The following PITPNM1 variants were observed in gnomAD, a reference collection of about 807,000 sequenced individuals.
The protein encoded by PITPNM1 is membrane-associated phosphatidylinositol transfer protein 1.
Under a neutral mutation model 133.3 loss-of-function variants are expected in PITPNM1, and 74 were observed. The ratio of observed to expected loss-of-function variants is 0.56; its 90% CI spans 0.46 to 0.67. PITPNM1 has a LOEUF of 0.67. PITPNM1 is among the 30% of genes least tolerant of loss of function. PITPNM1 has a pLI of 0.00. For missense variants in PITPNM1, 1,398 were observed against 1,739.5 expected (o/e 0.80, Z 3.49); for synonymous variants, 738 against 741.4 (o/e 1.00, Z 0.08).
chr11:67,495,411 C>G lies in PITPNM1; in HGVS notation c.2482+27G>C. 3 of 1,472,382 alleles carry G rather than the reference C, an allele frequency of 2.0e-6. No homozygotes were observed. In the South Asian group the frequency reaches 4.1e-5, roughly 20 times the overall value. The allele number at this position is 1,472,382 out of a possible 1,614,324, so 91.2% of individuals were successfully genotyped here. On this transcript the variant is annotated intron_variant, in intron 16 of 23. Coordinates refer to ENST00000356404, the MANE Select transcript of PITPNM1 (RefSeq NM_004910.3). ...AATACGGGCCTCCCCCACCCCCAGG[C>G]TGGACTGCCTAGGCTGGCTGACTTA...
chr11:67,493,340 G>C (rs1209584121), intron 22 of PITPNM1, 70 bp downstream of exon 22: 27 of 1,422,960 alleles, frequency 1.9e-5, no homozygotes, highest in Non-Finnish European at 2.5e-5. Flanking sequence ...GGCCTCCGCC[G>C]ATCCGGGGGT....
rs978021440 is a variant in PITPNM1, at chr11:67,497,358, A to C, written c.2019T>G (p.Ser673Arg). 4 of 1,605,828 alleles carry C rather than the reference A, an allele frequency of 2.5e-6. No homozygotes were observed. The highest frequency in any genetic ancestry group is 3.4e-6 in the Non-Finnish European group (4 of 1,175,070). Residue 673 changes from serine to arginine, a missense_variant, in exon 14 of 24, where the codon AGT becomes AGG. By Grantham distance (110) the Ser-to-Arg change is moderately radical. This residue lies in a region of PITPNM1 where 574 missense variants were observed against 698.7 expected (regional missense o/e 0.82). Transcript: ENST00000356404. Reference protein sequence around the residue: ...ASTAFCPPAASSEAPDGPSST... With the variant: ...ASTAFCPPAARSEAPDGPSST... ...TGCTGGGGCCGTCAGGTGCCTCGGAACTGGCAGCGGGTGGGCAGAAGGCCG... is the reference window on the plus strand; with the variant it reads ...TGCTGGGGCCGTCAGGTGCCTCGGACCTGGCAGCGGGTGGGCAGAAGGCCG...
In PITPNM1 at chr11:67,500,159, G is replaced by T; in HGVS notation, c.903C>A (p.Pro301=). 1 of 1,594,396 alleles carries T rather than the reference G, an allele frequency of 6.3e-7. No individual in the cohort carries two copies. The highest frequency in any genetic ancestry group is 8.5e-7 in the Non-Finnish European group (1 of 1,170,212). Residue 301 remains proline, a synonymous_variant, in exon 6 of 24, where the codon CCC becomes CCA. Transcript: ENST00000356404. ...ACCACTGCTTCCCAAAGCTGGCATC[G>T]GGGGAGGCATCTGGGCCTGGGGGGG... ...PEAPPGPDAS[P]DASFGKQWSS... is the part of the protein sequence containing the mutation.
rs1277926960 is a variant in PITPNM1 at position 67,492,207 on chromosome 11, C to T, written c.3561G>A (p.Leu1187=). 2 of 1,610,530 alleles carry T rather than the reference C, an allele frequency of 1.2e-6. No individual in the cohort carries two copies. Among genetic ancestry groups the T allele is most frequent in the Admixed American group, 1.7e-5 (1 of 59,940 alleles). The change falls in exon 24 of 24, where the codon TTG becomes TTA. Residue 1187 remains leucine, a synonymous_variant. Coordinates refer to ENST00000356404, the MANE Select transcript of PITPNM1 (RefSeq NM_004910.3). ...HASSGPPRAA[L]GKSSYGVAAP... ...CAGCCACACCATAGCTGCTCTTGCC[C>T]AAGGCAGCTCTCGGGGGTCCCGAGG...
Position 67,492,226 on chromosome 11 carries a change from C to A in PITPNM1, c.3542G>T (p.Gly1181Val), listed in dbSNP as rs1422204790. The A allele has an allele frequency of 6.2e-7, 1 of 1,607,346 alleles. No individual in the cohort carries two copies. Among genetic ancestry groups the A allele is most frequent in the Non-Finnish European group, 8.5e-7 (1 of 1,176,976 alleles). ...CTTGCCCAAGGCAGCTCTCGGGGGT[C>A]CCGAGGAGGCATGCGAGTGCGAGCC... The part of the protein sequence containing the change: ...EAGSHSHASS[G>V]PPRAALGKSS... Residue 1181 changes from glycine to valine, a missense_variant, in exon 24 of 24, where the codon GGA becomes GTA. By Grantham distance (109) the Gly-to-Val change is moderately radical. Around this residue, in one of 5 missense-constraint regions of PITPNM1, gnomAD observed 122 missense variants for 123.3 expected, o/e 0.99. Transcript: ENST00000356404.
At chr11:67,493,859 G>A (rs1866016532) in intron 20 of PITPNM1, 22 bp from the exon 21 acceptor site, 7 of 1,531,704 alleles carry the variant, frequency 4.6e-6, no homozygotes, top group Non-Finnish European at 6.2e-6. Context: ...GGGGCGGGGC[G>A]TGAGTGGCGC....
chr11:67,504,281 G>C lies in PITPNM1; in HGVS notation c.-41-60C>G, dbSNP rs1044286678. 2.5e-5 allele frequency: 16 copies of C among 649,488 alleles called. No homozygotes were observed. The highest frequency in any genetic ancestry group is 3.3e-5 in the Non-Finnish European group (15 of 455,994). The allele number at this position is 649,488 out of a possible 1,614,324, so 40.2% of individuals were successfully genotyped here. On this transcript the variant is annotated intron_variant, in intron 1 of 23. Transcript: ENST00000356404. This position sits in a 1 kb window ranked among gnomAD's most constrained non-coding sequence, Gnocchi z 5.4. ...GAGGCTGCGCGCGGCCCCGAGCCCT[G>C]CGCGCCGGCCGAGGGACTCAGGCCA... is the stretch of plus-strand genomic sequence containing the variant.
chr11:67,502,181 G>A lies in PITPNM1; in HGVS notation c.416-95C>T. The A allele has an allele frequency of 6.5e-7, 1 of 1,550,364 alleles. No homozygotes were observed. Among genetic ancestry groups the A allele is most frequent in the Non-Finnish European group, 8.8e-7 (1 of 1,138,958 alleles). On this transcript the variant is annotated intron_variant, in intron 4 of 23. Transcript: ENST00000356404. This position sits in a 1 kb window ranked among gnomAD's most constrained non-coding sequence, Gnocchi z 5.9. ...ACTGGATGACAGTTCCCGTCCTTTTGCAGACAGGACATGAGGCCTGGAGAG... is the reference window on the plus strand; with the variant it reads ...ACTGGATGACAGTTCCCGTCCTTTTACAGACAGGACATGAGGCCTGGAGAG...
In PITPNM1 at chr11:67,502,605, G is replaced by A. The variant is rs1283633618; in HGVS notation, c.192C>T (p.His64=). 1.5e-5 allele frequency: 25 copies of A among 1,613,482 alleles called. No homozygotes were observed. Among genetic ancestry groups the A allele is most frequent in the Non-Finnish European group, 1.9e-5 (23 of 1,180,030 alleles). The change falls in exon 3 of 24, where the codon CAC becomes CAT. Residue 64 remains histidine, a synonymous_variant. Coordinates refer to ENST00000356404, the MANE Select transcript of PITPNM1 (RefSeq NM_004910.3). This position sits in a 1 kb window ranked among gnomAD's most constrained non-coding sequence, Gnocchi z 5.9. ...GSGQYTHKVY[H]VGSHIPGWFR... is the part of the protein sequence containing the mutation. ...ACCAGCCTGGGATGTGGGAGCCCAC[G>A]TGGTACACCTTGTGTGTGTATTGCC...
chr11:67,503,980 C>T, intron 2 of PITPNM1, 123 bp downstream of exon 2: 3 of 662,536 alleles, frequency 4.5e-6, no homozygotes, highest in Non-Finnish European at 7.5e-6. Context: ...CCCATTCCCA[C>T]ATCTGAAGGG....
In PITPNM1 at chr11:67,500,424, G is replaced by A; in HGVS notation, c.641-3C>T. The stretch of plus-strand genomic sequence containing the variant: ...CCGCAGCATCACCCGACGCAGACCT[G>A]CAGGTGCCCAGGCGTCAGAACTGCC... On this transcript the variant is annotated splice_region_variant and splice_polypyrimidine_tract_variant and intron_variant, in intron 5 of 23. Coordinates refer to ENST00000356404, the MANE Select transcript of PITPNM1 (RefSeq NM_004910.3). 1 of 1,605,458 alleles carries A rather than the reference G, an allele frequency of 6.2e-7. No individual in the cohort carries two copies. The highest frequency in any genetic ancestry group is 1.1e-5 in the South Asian group (1 of 90,878).
At position 67,496,163 on chromosome 11, in the gene PITPNM1, T is replaced by C. The variant is rs1409268482; in HGVS notation, c.2317+15A>G. On this transcript the variant is annotated intron_variant, in intron 15 of 23. Coordinates refer to ENST00000356404, the MANE Select transcript of PITPNM1 (RefSeq NM_004910.3). ...GCCCTCCTCCTTCTCCCCTTTATCTTGTTTGGGGGCGTACCCAGCAGCAGG... is the reference window on the plus strand; with the variant it reads ...GCCCTCCTCCTTCTCCCCTTTATCTCGTTTGGGGGCGTACCCAGCAGCAGG... The C allele has an allele frequency of 2.7e-6, 4 of 1,498,598 alleles. No individual in the cohort carries two copies. The Admixed American group carries it at 1.1e-4, about 40-fold the overall frequency. The allele number at this position is 1,498,598 out of a possible 1,614,324, so 92.8% of individuals were successfully genotyped here.
chr11:67,497,776 G>A, intron 12 of PITPNM1, 97 bp from the exon 13 acceptor site: 4 of 1,540,390 alleles, frequency 2.6e-6, no homozygotes, highest in South Asian at 1.1e-5. Flanking sequence ...GTTGGGCAGA[G>A]CAGAATTCCA....
upstream of PITPNM1, chr11:67,506,184 G>C (rs1866508832): frequency 6.4e-6 from 1 of 156,296 alleles, no homozygotes; most frequent in South Asian, 2.1e-4. Context: ...ACGTGAACTG[G>C]CATTTCCATG....
chr11:67,498,610 A>C lies in PITPNM1; in HGVS notation c.1470T>G (p.Tyr490Ter), dbSNP rs1451854593. 1 of 1,597,376 alleles carries C rather than the reference A, an allele frequency of 6.3e-7. No homozygotes were observed. Among genetic ancestry groups the C allele is most frequent in the Non-Finnish European group, 8.5e-7 (1 of 1,179,422 alleles). The change falls in exon 10 of 24, where the codon TAT (tyrosine) becomes TAG (stop). Residue 490 changes from tyrosine to a stop codon, truncating the protein, a stop_gained. Coordinates refer to ENST00000356404, the MANE Select transcript of PITPNM1 (RefSeq NM_004910.3). LOFTEE classifies it high-confidence loss of function. The surrounding 1 kb of genome is among the most constrained non-coding windows in gnomAD (Gnocchi z 5.7). ...GTGGCTAGTACTTGGAGACAAGGGC[A>C]TAGGCGGCGGCGCAGATGGGTGGAC... ...VPCPPICAAAYALVSNLSPYS... is the reference protein window; with the variant it reads ...VPCPPICAAA
rs1466971697 is a variant in PITPNM1, at chr11:67,502,344, C to T, written c.363G>A (p.Gln121=). Residue 121 remains glutamine, a synonymous_variant, in exon 4 of 24, where the codon CAG becomes CAA. Transcript: ENST00000356404. This position sits in a 1 kb window ranked among gnomAD's most constrained non-coding sequence, Gnocchi z 5.9. ...IETYYLPDGG[Q]QPNVFNLSGA... is the part of the protein sequence containing the mutation. ...CGCTCAGGTTGAAGACGTTTGGCTG[C>T]TGCCCCCCATCAGGCAGGTAATAGG... The T allele has an allele frequency of 1.9e-6, 3 of 1,613,614 alleles. No homozygotes were observed. Among genetic ancestry groups the T allele is most frequent in the East Asian group, 2.2e-5 (1 of 44,892 alleles).
rs759497147 is a variant in PITPNM1 at position 67,492,979 on chromosome 11, G to C, written c.3426C>G (p.Thr1142=). ...TCCGCACGGCACGGCCCACGATGTAGGTCTGGCTCGGGGACAGCCCCAGCG... is the reference window on the plus strand; with the variant it reads ...TCCGCACGGCACGGCCCACGATGTACGTCTGGCTCGGGGACAGCCCCAGCG... ...YAALGLSPSQ[T]YIVGRAVRKL... is the part of the protein sequence containing the mutation. The change falls in exon 23 of 24, where the codon ACC becomes ACG. Residue 1142 remains threonine (T), a synonymous_variant. Coordinates refer to ENST00000356404, the MANE Select transcript of PITPNM1 (RefSeq NM_004910.3). 2 of 1,612,912 alleles carry C rather than the reference G, an allele frequency of 1.2e-6. No individual in the cohort carries two copies. The highest frequency in any genetic ancestry group is 1.3e-5 in the African/African-American group (1 of 74,954).
chr11:67,502,864 TC>T lies in PITPNM1; in HGVS notation c.79-147del. ...AAACCAGACCCCGCCCCACCAAAGC[TC>T]CCTGGGATCAGAATCACAGATGCAG... On this transcript the variant is annotated intron_variant, in intron 2 of 23. Transcript: ENST00000356404. This position sits in a 1 kb window ranked among gnomAD's most constrained non-coding sequence, Gnocchi z 5.9. 1 of 738,168 alleles carries T rather than the reference TC, an allele frequency of 1.4e-6. No individual in the cohort carries two copies. Among genetic ancestry groups the T allele is most frequent in the Non-Finnish European group, 2.2e-6 (1 of 457,322 alleles). The allele number at this position is 738,168 out of a possible 1,614,324, so 45.7% of individuals were successfully genotyped here. A position where few individuals can be genotyped will look rare whatever the true frequency, so the allele number is the denominator to read the frequency against.
At chr11:67,496,989 CTGAT>C (rs1016881372) in intron 14 of PITPNM1, 1 of 391,466 alleles carries the variant, frequency 2.6e-6, no homozygotes, top group Non-Finnish European at 4.5e-6. Context: ...GCTGTGGTGT[CTGAT>C]TGACCCCTTC....
Sources: gnomAD v4.1 joint callset for allele counts on GRCh38, gnomAD v4.1.1 for gene constraint, gnomAD v4.1.1 regional missense constraint, Gnocchi (gnomAD v3.1) non-coding constraint, MANE v1.5 for transcripts, NCBI Gene and HGNC (gene_info 2026-07-23, HGNC 2026-07-21) for gene names.